Variants in ATP13A5 observed in about 807,000 individuals in gnomAD.
The protein encoded by ATP13A5 is probable cation-transporting ATPase 13A5.
Under a neutral mutation model 150.2 loss-of-function variants are expected in ATP13A5, and 149 were observed. That is an observed-to-expected ratio of 0.99 (90% CI 0.87 to 1.14). ATP13A5 has a LOEUF of 1.14. Among genes scored for constraint, ATP13A5 ranks in the 50% most tolerant of loss-of-function variants. The probability of loss-of-function intolerance (pLI) is 0.00; values close to 1 mark genes in which losing one functional copy is unlikely to be tolerated. For missense variants in ATP13A5, 1,383 were observed against 1,449.3 expected (o/e 0.95, Z 0.74); for synonymous variants, 497 against 522.2 (o/e 0.95, Z 0.66).
At chr3:193,280,976 C>A (rs1463560573) in intron 27 of ATP13A5, among the ~76,000 whole-genome samples, 3 of 152,174 alleles carry the variant, frequency 2.0e-5, no homozygotes, top group South Asian at 2.1e-4. Flanking sequence ...GAACAGAGTT[C>A]TGTTTTCATC....
intron 5 of ATP13A5, among the ~76,000 whole-genome samples, chr3:193,356,063 A>G (rs1288435196): frequency 1.3e-5 from 2 of 152,144 alleles, no homozygotes; most frequent in Non-Finnish European, 2.9e-5. Flanking sequence ...CAGTCCCTCA[A>G]TGAAACAAGG....
intron 12 of ATP13A5, among the ~76,000 whole-genome samples, chr3:193,329,234 C>T (rs1272754312): frequency 7.9e-6 from 1 of 126,958 alleles, no homozygotes; most frequent in Admixed American, 8.4e-5. Flanking sequence ...AGCGAGACTC[C>T]ATCTCAAAAG....
chr3:193,292,471 A>C (rs1411576716), intron 25 of ATP13A5, among the ~76,000 whole-genome samples: 1 of 152,058 alleles, frequency 6.6e-6, no homozygotes, highest in Non-Finnish European at 1.5e-5. Context: ...GTCATCCCTT[A>C]ATTTTGGGCT....
chr3:193,307,075 T>A, intron 22 of ATP13A5: 1 of 982,444 alleles, frequency 1.0e-6, no homozygotes, highest in Non-Finnish European at 1.2e-6. Context: ...CTTTGGAACC[T>A]GAAATATGGG....
At chr3:193,336,015 G>A (rs1711844933) in intron 9 of ATP13A5, among the ~76,000 whole-genome samples, 1 of 152,058 alleles carries the variant, frequency 6.6e-6, no homozygotes. Flanking sequence ...AAGAGTATTA[G>A]AATGAATTTA....
At chr3:193,371,751 C>T (rs1030556704) in intron 1 of ATP13A5, among the ~76,000 whole-genome samples, 1 of 152,198 alleles carries the variant, frequency 6.6e-6, no homozygotes, top group African/African-American at 2.4e-5. Context: ...TTAACTATCT[C>T]TGACTTCAGG....
intron 9 of ATP13A5, among the ~76,000 whole-genome samples, chr3:193,340,625 G>A (rs550809826): frequency 1.3e-5 from 2 of 152,262 alleles, no homozygotes; most frequent in African/African-American, 2.4e-5. Flanking sequence ...AGGGGATTGC[G>A]GCAGAGTGCA....
intron 15 of ATP13A5, 98 bp from the exon 16 acceptor site, chr3:193,321,935 A>G: frequency 7.6e-7 from 1 of 1,318,264 alleles, no homozygotes; most frequent in Admixed American, 2.3e-5. Context: ...GAGCCCAGAG[A>G]CATCTTGATG....
At chr3:193,352,987 G>A (rs1276979220) in intron 6 of ATP13A5, among the ~76,000 whole-genome samples, 1 of 152,042 alleles carries the variant, frequency 6.6e-6, no homozygotes, top group Non-Finnish European at 1.5e-5. Flanking sequence ...TCCCTTAGGT[G>A]GCTGAGGATA....
At chr3:193,278,019 G>C (rs1313253290) in intron 28 of ATP13A5, among the ~76,000 whole-genome samples, 2 of 152,134 alleles carry the variant, frequency 1.3e-5, no homozygotes. Flanking sequence ...GGCCAGGCTG[G>C]TCTTGAACTC....
intron 24 of ATP13A5, among the ~76,000 whole-genome samples, chr3:193,299,427 A>G (rs1458588219): frequency 6.6e-6 from 1 of 152,174 alleles, no homozygotes; most frequent in South Asian, 2.1e-4. Flanking sequence ...ACAAAAGTCA[A>G]TTATTTGAGA....
intron 10 of ATP13A5, 30 bp from the exon 11 acceptor site, chr3:193,333,937 G>T: frequency 6.3e-7 from 1 of 1,593,118 alleles, no homozygotes; most frequent in South Asian, 1.1e-5. Flanking sequence ...GATCAAGTAA[G>T]GCTGCTTGAT....
intron 25 of ATP13A5, among the ~76,000 whole-genome samples, chr3:193,293,902 G>A (rs1295007354): frequency 1.3e-5 from 2 of 152,046 alleles, no homozygotes; most frequent in African/African-American, 4.8e-5. Context: ...CTCCTTCTCT[G>A]GATACTGCCT....
chr3:193,356,519 A>G (rs1426193649), intron 5 of ATP13A5, among the ~76,000 whole-genome samples: 1 of 152,152 alleles, frequency 6.6e-6, no homozygotes, highest in Non-Finnish European at 1.5e-5. Context: ...CTGAGGCAGG[A>G]GGACTGCTTG....
In ATP13A5 at chr3:193,321,808, G is replaced by A. The variant is rs61753889; in HGVS notation, c.1788C>T (p.Cys596=). 91,231 of 1,613,948 alleles carry A rather than the reference G, an allele frequency of 0.057. 3,049 individuals are homozygous for A. The highest frequency in any genetic ancestry group is 0.11 in the South Asian group (10,299 of 91,070). The change falls in exon 16 of 30, where the codon TGC becomes TGT. Residue 596 remains cysteine, a synonymous_variant. Transcript: ENST00000342358. ...GCAGGCTCGAGGAAAATGGAAACTG[G>A]CACAAGGTGATGATGGCTTCCACTG... is the stretch of plus-strand genomic sequence containing the variant. ...KSPVEAIITL[C]QFPFSSSLQR...
Position 193,315,003 on chromosome 3 carries a change from A to G in ATP13A5, c.2127T>C (p.Ser709=). 6.2e-7 allele frequency: 1 copy of G among 1,613,822 alleles called. No individual in the cohort carries two copies. The highest frequency in any genetic ancestry group is 8.5e-7 in the Non-Finnish European group (1 of 1,179,814). Residue 709 remains serine (S), a synonymous_variant, in exon 18 of 30, where the codon AGT becomes AGC. Transcript: ENST00000342358. ...KETKLVLKEL[S]EARIRTVMIT... The stretch of plus-strand genomic sequence containing the variant: ...TCATCACAGTCCTGATACGGGCCTC[A>G]CTCAGTTCCTTCAAGACCAGTTTGG...
In ATP13A5 at chr3:193,324,908, G is replaced by C; in HGVS notation, c.1630C>G (p.Gln544Glu). 3.7e-6 allele frequency: 6 copies of C among 1,614,122 alleles called. No individual in the cohort carries two copies. Among genetic ancestry groups the C allele is most frequent in the Non-Finnish European group, 5.1e-6 (6 of 1,179,986 alleles). Residue 544 changes from glutamine to glutamate, a missense_variant, in exon 14 of 30, where the codon CAG (glutamine) becomes GAG (glutamate). This residue lies in a region of ATP13A5 where 787 missense variants were observed against 771.9 expected (regional missense o/e 1.02). Transcript: ENST00000342358. ...HSLILLNGTI[Q>E]GDPLDLKMFE... ...ATTTTGAGGTCCAGAGGGTCTCCCT[G>C]GATGGTCCCATTGAGAAGGATCAGA...
chr3:193,299,647 CA>C (rs1470060462), intron 24 of ATP13A5, among the ~76,000 whole-genome samples: 3 of 152,278 alleles, frequency 2.0e-5, no homozygotes, highest in Non-Finnish European at 4.4e-5. Context: ...GGAGTCCATT[CA>C]CTTTCACAAA....
intron 7 of ATP13A5, among the ~76,000 whole-genome samples, chr3:193,350,137 T>C (rs4687408): frequency 0.39 from 59,846 of 151,866 alleles, 12,299 homozygotes; most frequent in East Asian, 0.56. Context: ...AAATGAAAGT[T>C]CCAGATTAAT....
Sources: allele counts gnomAD v4.1 joint callset (sites outside exome capture counted in the v4.1 genomes callset), GRCh38; gene constraint gnomAD v4.1.1; regional missense constraint gnomAD v4.1.1; transcripts MANE v1.5; gene names NCBI Gene and HGNC (gene_info 2026-07-23, HGNC 2026-07-21).